The following LRRC49 variants were observed in gnomAD, a reference collection of about 807,000 sequenced individuals.
LRRC49 encodes leucine-rich repeat-containing protein 49.
In LRRC49, 50 loss-of-function variants were observed where a neutral mutation model predicts 83.3. The observed-to-expected ratio is 0.60, with a 90% CI of 0.48 to 0.76. The LOEUF (loss-of-function observed/expected upper bound fraction) is 0.76. LRRC49 is among the 30% of genes least tolerant of loss of function. The pLI is 0.00. For synonymous variants in LRRC49, 286 were observed against 283.3 expected, an observed-to-expected ratio of 1.01 and a Z score of -0.10; for missense variants, 704 against 809.1, an observed-to-expected ratio of 0.87 and a Z score of 1.58.
intron 9 of LRRC49, among the ~76,000 whole-genome samples, chr15:70,975,245 A>T (rs1469856273): frequency 6.6e-6 from 1 of 152,166 alleles, no homozygotes; most frequent in Non-Finnish European, 1.5e-5. Flanking sequence ...TATCCCAGTG[A>T]TCTTCACCTG....
rs566807145 is a variant in LRRC49, at chr15:70,868,481, G to A, written c.-298-4427G>A. Among the ~76,000 whole-genome samples, 11 of 152,324 alleles carry A rather than the reference G, an allele frequency of 7.2e-5. No individual in the cohort carries two copies. The South Asian group carries it at 2.1e-3, about 29-fold the overall frequency. ...TCAAAATTGGGGAAACACTGTGAGG[G>A]CTTAGGCAGAACTCTTCAATGCTTT... On this transcript the variant is annotated intron_variant, in intron 1 of 16. Transcript: ENST00000544974.
chr15:71,027,021 A>C (rs1157608248), intron 14 of LRRC49, among the ~76,000 whole-genome samples: 3 of 152,066 alleles, frequency 2.0e-5, no homozygotes, highest in Middle Eastern at 3.4e-3. Flanking sequence ...TTTGCCCATG[A>C]CTATGTCCTG....
chr15:71,028,853 G>A (rs2039258112), intron 14 of LRRC49, among the ~76,000 whole-genome samples: 1 of 151,820 alleles, frequency 6.6e-6, no homozygotes, highest in African/African-American at 2.4e-5. Context: ...TTATTAGTCT[G>A]GCTAGCAGTC....
At chr15:70,954,914 G>A (rs767554245) in intron 8 of LRRC49, among the ~76,000 whole-genome samples, 4 of 152,072 alleles carry the variant, frequency 2.6e-5, no homozygotes, top group African/African-American at 4.8e-5. Flanking sequence ...GGCTGTGGGC[G>A]AAAGGCACTC....
intron 8 of LRRC49, among the ~76,000 whole-genome samples, chr15:70,942,706 AG>A (rs1385494091): frequency 6.6e-6 from 1 of 152,192 alleles, no homozygotes; most frequent in African/African-American, 2.4e-5. Context: ...CAAGGTGGTC[AG>A]GGTGCAGCTT....
chr15:70,904,688 C>G lies in LRRC49; in HGVS notation c.433C>G (p.Gln145Glu). 6.2e-7 allele frequency: 1 copy of G among 1,613,338 alleles called. No individual in the cohort carries two copies. The stretch of plus-strand genomic sequence containing the variant: ...AATATCGTTGGATTTATATGATAAC[C>G]AGATTGAAGAAATTAGTGGGCTTTC... The part of the protein sequence containing the change: ...KLISLDLYDN[Q>E]IEEISGLSTL... The change falls in exon 5 of 16, where the codon CAG becomes GAG. Residue 145 changes from glutamine to glutamate, a missense_variant. Physicochemically the swap from Gln to Glu is conservative, Grantham distance 29. Around this residue, in one of 3 missense-constraint regions of LRRC49, gnomAD observed 261 missense variants for 330.5 expected, o/e 0.79. Coordinates refer to ENST00000260382, the MANE Select transcript of LRRC49 (RefSeq NM_017691.5).
intron 2 of LRRC49, among the ~76,000 whole-genome samples, chr15:70,877,729 C>T (rs1190001809): frequency 6.6e-6 from 1 of 152,204 alleles, no homozygotes; most frequent in African/African-American, 2.4e-5. Context: ...ATGTTACCTT[C>T]ATGAAAGTTT....
At chr15:70,919,019 C>T (rs751210764) in intron 6 of LRRC49, 31 bp from the exon 7 acceptor site, 23 of 1,579,262 alleles carry the variant, frequency 1.5e-5, no homozygotes, top group Non-Finnish European at 1.7e-5. Flanking sequence ...TTTTTGCCTG[C>T]TAATCACCCT....
chr15:70,965,650 A>G (rs2036768938), intron 9 of LRRC49, among the ~76,000 whole-genome samples: 1 of 152,014 alleles, frequency 6.6e-6, no homozygotes, highest in South Asian at 2.1e-4. Context: ...GTGATTTTGT[A>G]TTCTTCTCAT....
At chr15:71,012,430 T>C (rs1282130250) in intron 13 of LRRC49, among the ~76,000 whole-genome samples, 6 of 152,034 alleles carry the variant, frequency 3.9e-5, no homozygotes, top group Admixed American at 3.9e-4. Context: ...TTAAAATGAA[T>C]CTATCCCATT....
chr15:70,944,225 AAG>A (rs2035927681), intron 8 of LRRC49, among the ~76,000 whole-genome samples: 1 of 152,156 alleles, frequency 6.6e-6, no homozygotes, highest in African/African-American at 2.4e-5. Context: ...CCAGGACGGA[AAG>A]AGAGAACACA....
intron 1 of LRRC49, among the ~76,000 whole-genome samples, chr15:70,863,387 G>A (rs999931485): frequency 7.9e-5 from 12 of 152,154 alleles, no homozygotes; most frequent in African/African-American, 2.2e-4. Context: ...TACATGCCAG[G>A]CCCATGCCAC....
At chr15:71,023,580 C>T (rs564916250) in intron 14 of LRRC49, among the ~76,000 whole-genome samples, 22 of 151,976 alleles carry the variant, frequency 1.4e-4, no homozygotes, top group South Asian at 6.3e-4. Flanking sequence ...CAGGGTGGTG[C>T]GATGGCCCAC....
chr15:70,995,065 A>G (rs576419097), intron 11 of LRRC49, among the ~76,000 whole-genome samples: 2 of 152,342 alleles, frequency 1.3e-5, no homozygotes, highest in East Asian at 1.9e-4. Context: ...GTAGCTAAGT[A>G]TAACAGAAGA....
At chr15:71,037,702 G>C (rs1232318095) in intron 15 of LRRC49, among the ~76,000 whole-genome samples, 1 of 152,120 alleles carries the variant, frequency 6.6e-6, no homozygotes, top group Admixed American at 6.6e-5. Context: ...GACCATCAGA[G>C]AACACAGCAG....
intron 6 of LRRC49, among the ~76,000 whole-genome samples, chr15:70,916,267 T>C (rs963196466): frequency 6.6e-6 from 1 of 152,140 alleles, no homozygotes; most frequent in African/African-American, 2.4e-5. Context: ...CAAACTTCTC[T>C]GCTGCAGTTC....
chr15:71,003,134 A>T (rs919792484), intron 11 of LRRC49, among the ~76,000 whole-genome samples: 8 of 151,698 alleles, frequency 5.3e-5, no homozygotes, highest in African/African-American at 1.9e-4. Flanking sequence ...ATGGGGTTTC[A>T]TCATATTGAC....
At chr15:70,945,649 T>C (rs1229016895) in intron 8 of LRRC49, among the ~76,000 whole-genome samples, 1 of 151,840 alleles carries the variant, frequency 6.6e-6, no homozygotes, top group African/African-American at 2.4e-5. Flanking sequence ...GTTTTTTTTT[T>C]TGTAGGACTG....
At chr15:70,864,679 A>C (rs989944446) in intron 1 of LRRC49, among the ~76,000 whole-genome samples, 1 of 152,228 alleles carries the variant, frequency 6.6e-6, no homozygotes, top group Non-Finnish European at 1.5e-5. Context: ...TAGCTAAGAT[A>C]TCACTCAGGG....
Sources: allele counts gnomAD v4.1 joint callset (sites outside exome capture counted in the v4.1 genomes callset), GRCh38; gene constraint gnomAD v4.1.1; regional missense constraint gnomAD v4.1.1; transcripts MANE v1.5; gene names NCBI Gene and HGNC (gene_info 2026-07-23, HGNC 2026-07-21).